RAB3IP: variants seen among roughly 807,000 people sequenced by gnomAD.
RAB3IP encodes RAB3A interacting protein.
Under a neutral mutation model 59.1 loss-of-function variants are expected in RAB3IP, and 36 were observed. The observed-to-expected ratio is 0.61, with a 90% CI of 0.47 to 0.80. RAB3IP has a LOEUF of 0.80. RAB3IP is among the 30% of genes least tolerant of loss of function. RAB3IP has a pLI of 0.00. For missense variants in RAB3IP, 511 were observed against 536.0 expected (o/e 0.95, Z 0.46); for synonymous variants, 207 against 191.2 (o/e 1.08, Z -0.68).
chr12:69,747,293 C>CGT (rs111438084), intron 1 of RAB3IP, among the ~76,000 whole-genome samples: 2,161 of 137,756 alleles, frequency 0.016, 17 homozygotes, highest in Middle Eastern at 0.046. Context: ...CTTGCCCTTT[C>CGT]GTGTGTGTGT....
intron 3 of RAB3IP, among the ~76,000 whole-genome samples, chr12:69,759,590 G>A (rs7954785): frequency 0.11 from 16,132 of 151,292 alleles, 1,183 homozygotes; most frequent in Middle Eastern, 0.18. Context: ...CCTCCCGGAC[G>A]GGGCGGCGGC....
chr12:69,802,506 G>T (rs960927983), intron 8 of RAB3IP, among the ~76,000 whole-genome samples: 1 of 152,150 alleles, frequency 6.6e-6, no homozygotes, highest in Non-Finnish European at 1.5e-5. Context: ...TAGCAAAGAC[G>T]AAAGGTTTTG....
intron 3 of RAB3IP, among the ~76,000 whole-genome samples, chr12:69,770,664 T>A (rs1872962847): frequency 6.6e-6 from 1 of 152,192 alleles, no homozygotes; most frequent in Admixed American, 6.5e-5. Context: ...GTCTTTTTTT[T>A]AACCTAGCCA....
intron 2 of RAB3IP, 148 bp from the exon 3 acceptor site, chr12:69,756,257 A>C: frequency 1.4e-6 from 1 of 734,478 alleles, no homozygotes; most frequent in East Asian, 2.7e-5. Flanking sequence ...TGAGCACTTG[A>C]AATGTGGCTG....
intron 3 of RAB3IP, among the ~76,000 whole-genome samples, chr12:69,761,035 A>G (rs933262605): frequency 2.0e-5 from 3 of 152,180 alleles, no homozygotes; most frequent in East Asian, 1.9e-4. Flanking sequence ...TTACATGTAC[A>G]TTAGACTGCT....
Position 69,818,190 on chromosome 12 carries a change from T to G in RAB3IP, c.*2744T>G, listed in dbSNP as rs1050047966. 4 of 150,580 alleles carry G rather than the reference T, an allele frequency of 2.7e-5. No homozygotes were observed. Among genetic ancestry groups the G allele is most frequent in the Admixed American group, 6.7e-5 (1 of 14,858 alleles). 9.3% of individuals were successfully genotyped at this position (150,580 alleles called of 1,614,324 possible). A position where few individuals can be genotyped will look rare whatever the true frequency, so the allele number is the denominator to read the frequency against. On this transcript the variant is annotated 3_prime_UTR_variant, in exon 11 of 11. Coordinates refer to ENST00000247833, the MANE Select transcript of RAB3IP (RefSeq NM_022456.5). The stretch of plus-strand genomic sequence containing the variant: ...AAGTTGGGCCAGGCCCAGTGGCTCA[T>G]GCCTCTTGGCTTTGGGAGGCCAAGG...
intron 8 of RAB3IP, among the ~76,000 whole-genome samples, chr12:69,810,618 G>A (rs11177874): frequency 0.23 from 35,206 of 149,886 alleles, 4,413 homozygotes; most frequent in Middle Eastern, 0.35. Flanking sequence ...ATCAAAGTGC[G>A]TTCAAAGGAT....
At chr12:69,775,288 C>A (rs1485469981) in intron 3 of RAB3IP, among the ~76,000 whole-genome samples, 1 of 119,752 alleles carries the variant, frequency 8.4e-6, no homozygotes, top group African/African-American at 3.2e-5. Flanking sequence ...GCTGAAGTTG[C>A]TTATCAGCTT....
intron 4 of RAB3IP, among the ~76,000 whole-genome samples, chr12:69,793,613 A>G (rs1876985724): frequency 1.3e-5 from 2 of 152,198 alleles, no homozygotes; most frequent in Non-Finnish European, 2.9e-5. Context: ...TAATCTTTTA[A>G]AAATAAAATG....
intron 1 of RAB3IP, among the ~76,000 whole-genome samples, chr12:69,750,236 TG>T: frequency 6.6e-6 from 1 of 152,326 alleles, no homozygotes; most frequent in East Asian, 1.9e-4. Context: ...CTTAACTTCC[TG>T]TGAGATTGGG....
At chr12:69,748,063 C>G (rs1477325709) in intron 1 of RAB3IP, among the ~76,000 whole-genome samples, 1 of 134,454 alleles carries the variant, frequency 7.4e-6, no homozygotes, top group East Asian at 2.1e-4. Context: ...ATAAAAATCA[C>G]AGCTTTAGTT....
At position 69,739,005 on chromosome 12, in the gene RAB3IP, C is replaced by G. The variant is rs905846184; in HGVS notation, c.-52C>G. 1.3e-5 allele frequency: 2 copies of G among 152,098 alleles called. No homozygotes were observed. The highest frequency in any genetic ancestry group is 4.8e-5 in the African/African-American group (2 of 41,432). The allele number at this position is 152,098 out of a possible 1,614,324, so 9.4% of individuals were successfully genotyped here. The stretch of plus-strand genomic sequence containing the variant: ...CGGCTCTGTGAGCGCCCCTGAGCGC[C>G]GGCAGCGGCCGCGGTGGGTTCTTCA... On this transcript the variant is annotated 5_prime_UTR_variant, in exon 1 of 11. Transcript: ENST00000247833.
intron 3 of RAB3IP, among the ~76,000 whole-genome samples, chr12:69,772,010 T>C (rs942408954): frequency 2.6e-5 from 4 of 152,216 alleles, no homozygotes; most frequent in Non-Finnish European, 2.9e-5. Flanking sequence ...GCCATTGAGT[T>C]GTTTCCGTTT....
intron 3 of RAB3IP, among the ~76,000 whole-genome samples, chr12:69,775,848 C>T (rs1873832388): frequency 1.1e-5 from 1 of 92,640 alleles, no homozygotes; most frequent in Admixed American, 1.3e-4. Flanking sequence ...CATCAATGTT[C>T]ATCAAGGATA....
chr12:69,799,462 A>G (rs908136858), intron 6 of RAB3IP, among the ~76,000 whole-genome samples: 1 of 152,114 alleles, frequency 6.6e-6, no homozygotes, highest in Non-Finnish European at 1.5e-5. Flanking sequence ...GGAGGTGAGA[A>G]AGAGAGGGAT....
At chr12:69,808,277 C>A (rs1362951227) in intron 8 of RAB3IP, among the ~76,000 whole-genome samples, 2 of 152,100 alleles carry the variant, frequency 1.3e-5, no homozygotes, top group African/African-American at 4.8e-5. Flanking sequence ...AATTTCTGTT[C>A]TTTTACATTT....
At chr12:69,793,754 G>A (rs143768705) in intron 4 of RAB3IP, among the ~76,000 whole-genome samples, 6 of 152,286 alleles carry the variant, frequency 3.9e-5, no homozygotes, top group African/African-American at 9.6e-5. Flanking sequence ...CAGGGACTTT[G>A]TCCTTTCCCA....
At chr12:69,809,982 TAG>T (rs1475641258) in intron 8 of RAB3IP, among the ~76,000 whole-genome samples, 1 of 152,234 alleles carries the variant, frequency 6.6e-6, no homozygotes, top group African/African-American at 2.4e-5. Flanking sequence ...CTCTGATTTT[TAG>T]AGTTTCCGGT....
intron 7 of RAB3IP, among the ~76,000 whole-genome samples, chr12:69,801,231 C>T (rs1878322825): frequency 1.3e-5 from 2 of 152,186 alleles, no homozygotes; most frequent in East Asian, 3.9e-4. Context: ...ATATATATTG[C>T]TGTGGTATAA....
Sources: allele counts gnomAD v4.1 joint callset (sites outside exome capture counted in the v4.1 genomes callset), GRCh38; gene constraint gnomAD v4.1.1; transcripts MANE v1.5; gene names NCBI Gene and HGNC (gene_info 2026-07-23, HGNC 2026-07-21).